TENM2: variants seen among roughly 807,000 people sequenced by gnomAD.
TENM2 encodes teneurin transmembrane protein 2, also known as teneurin-2.
In TENM2, 52 loss-of-function variants were observed where a neutral mutation model predicts 245.2. That is an observed-to-expected ratio of 0.21 (90% confidence interval 0.17 to 0.27). The LOEUF (loss-of-function observed/expected upper bound fraction) is 0.27, where lower values mean the gene tolerates loss of function less well. TENM2 is among the 10% of genes least tolerant of loss of function. TENM2 has a pLI of 1.00. For synonymous variants in TENM2, 1,363 were observed against 1,438.9 expected (o/e 0.95, Z 1.19); for missense variants, 3,046 against 3,666.8 (o/e 0.83, Z 4.37).
chr5:167,884,847 G>A (rs571347010), intron 3 of TENM2, among the ~76,000 whole-genome samples: 21 of 152,176 alleles, frequency 1.4e-4, no homozygotes, highest in African/African-American at 4.8e-4. Flanking sequence ...TTTGTACAGT[G>A]TCTGTACCAC....
chr5:167,409,700 A>G (rs1313841271), intron 2 of TENM2, among the ~76,000 whole-genome samples: 1 of 152,002 alleles, frequency 6.6e-6, no homozygotes, highest in African/African-American at 2.4e-5. Flanking sequence ...AGCATGTTTA[A>G]GTAAAAGTAT....
chr5:167,234,231 A>T, the TENM2 span, among the ~76,000 whole-genome samples: 1 of 152,218 alleles, frequency 6.6e-6, no homozygotes, highest in Admixed American at 6.5e-5. Flanking sequence ...AAGGGAAACA[A>T]ATCAATTTTT....
At chr5:168,163,576 G>A (rs199989173) in intron 13 of TENM2, among the ~76,000 whole-genome samples, 2 of 152,210 alleles carry the variant, frequency 1.3e-5, no homozygotes, top group South Asian at 2.1e-4. Flanking sequence ...CATGTCCATC[G>A]CTTCCCAAAG....
intron 13 of TENM2, chr5:168,186,118 A>G (rs908381563): frequency 1.4e-4 from 21 of 152,062 alleles, no homozygotes; most frequent in South Asian, 2.1e-4. Flanking sequence ...TACCTTTCCA[A>G]GCTCACACAG....
chr5:167,144,860 T>C, the TENM2 span, among the ~76,000 whole-genome samples: 1 of 152,210 alleles, frequency 6.6e-6, no homozygotes, highest in Non-Finnish European at 1.5e-5. Flanking sequence ...ATTCCTCTTA[T>C]AGTTCTGGAG....
At chr5:167,057,413 A>G in the TENM2 span, among the ~76,000 whole-genome samples, 3 of 152,114 alleles carry the variant, frequency 2.0e-5, no homozygotes, top group Admixed American at 1.3e-4. Flanking sequence ...TTGTTCAAAG[A>G]TGGGCATGGT....
the TENM2 span, among the ~76,000 whole-genome samples, chr5:167,218,369 A>T: frequency 3.3e-5 from 5 of 152,282 alleles, no homozygotes; most frequent in African/African-American, 7.2e-5. Context: ...TTTAATTTTT[A>T]AATTTTTTTT....
In TENM2 at chr5:168,090,743, T is replaced by C. The variant is rs776903679; in HGVS notation, c.1685T>C (p.Met562Thr). ...TACAATGATGGAAAAGACAAAGAGA[T>C]GGTTTCCTTCAATACTGTTGTCCTA... Residue 562 changes from methionine (M) to threonine (T), a missense_variant, in exon 8 of 29, where the codon ATG (methionine) becomes ACG (threonine). By Grantham distance (81) the Met-to-Thr change is moderately conservative. Around this residue, in one of 2 missense-constraint regions of TENM2, gnomAD observed 2,704 missense variants for 3,331.9 expected, o/e 0.81. Transcript: ENST00000518659. 12 of 1,613,832 alleles carry C rather than the reference T, an allele frequency of 7.4e-6. No homozygotes were observed. The highest frequency in any genetic ancestry group is 1.7e-4 in the Middle Eastern group (1 of 6,058).
At chr5:167,087,791 C>CTT in the TENM2 span, among the ~76,000 whole-genome samples, 2 of 151,188 alleles carry the variant, frequency 1.3e-5, no homozygotes, top group African/African-American at 4.9e-5. Context: ...AGCAATATCT[C>CTT]TCTTTTTTTT....
the TENM2 span, among the ~76,000 whole-genome samples, chr5:167,074,112 G>T: frequency 6.6e-6 from 1 of 152,120 alleles, no homozygotes; most frequent in East Asian, 1.9e-4. Context: ...AATGCACTAT[G>T]CAATTTTAAT....
At chr5:168,233,664 A>C (rs187626945) in intron 25 of TENM2, among the ~76,000 whole-genome samples, 1 of 152,334 alleles carries the variant, frequency 6.6e-6, no homozygotes, top group Non-Finnish European at 1.5e-5. Context: ...AGAGACTCTA[A>C]GATGTCATTA....
At chr5:167,163,791 G>C in the TENM2 span, among the ~76,000 whole-genome samples, 15 of 152,098 alleles carry the variant, frequency 9.9e-5, no homozygotes, top group Admixed American at 2.0e-4. Context: ...GTATTTTACT[G>C]TATCTATAAT....
chr5:167,646,927 TGAAAG>T (rs1221424969), intron 2 of TENM2, among the ~76,000 whole-genome samples: 1 of 152,102 alleles, frequency 6.6e-6, no homozygotes, highest in Non-Finnish European at 1.5e-5. Context: ...TGTTCGCAGT[TGAAAG>T]GAGAGAACGC....
chr5:168,118,592 T>C (rs1795257336), intron 10 of TENM2, 106 bp downstream of exon 12: 1 of 876,140 alleles, frequency 1.1e-6, no homozygotes, highest in African/African-American at 1.7e-5. Context: ...GCAAGAGAAG[T>C]TTCAACATTT....
At chr5:168,066,759 G>A (rs1414617344) in intron 7 of TENM2, among the ~76,000 whole-genome samples, 1 of 152,216 alleles carries the variant, frequency 6.6e-6, no homozygotes, top group Admixed American at 6.5e-5. Flanking sequence ...GGGATGGTAT[G>A]TGTACAGTGG....
At chr5:168,248,428 T>G in intron 27 of TENM2, 57 bp downstream of exon 29, 1 of 1,522,518 alleles carries the variant, frequency 6.6e-7, no homozygotes, top group South Asian at 1.3e-5. Flanking sequence ...CTTGTTGCTG[T>G]GGGGAACTTG....
chr5:167,024,162 A>T, the TENM2 span, among the ~76,000 whole-genome samples: 1 of 152,226 alleles, frequency 6.6e-6, no homozygotes, highest in East Asian at 1.9e-4. Flanking sequence ...AGATTTACCA[A>T]AAGTGAGTGT....
chr5:167,285,875 T>C (rs891751847), intron 1 of TENM2, among the ~76,000 whole-genome samples: 5 of 152,270 alleles, frequency 3.3e-5, no homozygotes, highest in Admixed American at 6.5e-5. Context: ...GGCTAAGCCC[T>C]GCTCTGCTAG....
the TENM2 span, among the ~76,000 whole-genome samples, chr5:167,058,220 G>A: frequency 2.6e-5 from 4 of 151,944 alleles, no homozygotes; most frequent in Non-Finnish European, 4.4e-5. Context: ...AGAAGTTAAG[G>A]GTCAGTATTG....
Sources: gnomAD v4.1 joint callset for allele counts (sites outside exome capture counted in the v4.1 genomes callset) on GRCh38, gnomAD v4.1.1 for gene constraint, gnomAD v4.1.1 regional missense constraint, MANE v1.5 for transcripts, NCBI Gene and HGNC (gene_info 2026-07-23, HGNC 2026-07-21) for gene names.